BNC2: variants seen among roughly 807,000 people sequenced by gnomAD.
The protein encoded by BNC2 is zinc finger protein basonuclin-2.
A neutral mutation model predicts 76.3 loss-of-function variants in BNC2; 20 were observed. The observed-to-expected ratio is 0.26, with a 90% CI of 0.18 to 0.38. The LOEUF (loss-of-function observed/expected upper bound fraction) is 0.38, where lower values mean the gene tolerates loss of function less well. Among genes scored for constraint, BNC2 ranks in the 10% least tolerant of loss-of-function variants. BNC2 has a pLI of 1.00. For missense variants in BNC2, 1,382 were observed against 1,399.8 expected, an observed-to-expected ratio of 0.99 and a Z score of 0.20; for synonymous variants, 582 against 514.8, an observed-to-expected ratio of 1.13 and a Z score of -1.77.
chr9:16,562,474 C>A (rs190071350), intron 4 of BNC2, among the ~76,000 whole-genome samples: 1 of 152,280 alleles, frequency 6.6e-6, no homozygotes, highest in East Asian at 1.9e-4. Context: ...TACCTAATTT[C>A]TTTCAGAAAC....
At chr9:16,549,507 G>T (rs1818594235) in intron 5 of BNC2, among the ~76,000 whole-genome samples, 1 of 152,174 alleles carries the variant, frequency 6.6e-6, no homozygotes. Context: ...AGAGCATTAT[G>T]GGGTTCCACA....
chr9:16,829,451 G>A (rs539018998), intron 1 of BNC2, among the ~76,000 whole-genome samples: 1 of 152,118 alleles, frequency 6.6e-6, no homozygotes, highest in Non-Finnish European at 1.5e-5. Flanking sequence ...TGGTGGTGGT[G>A]TTCCGCAGAC....
intron 5 of BNC2, among the ~76,000 whole-genome samples, chr9:16,501,377 A>C (rs1392106538): frequency 6.6e-6 from 1 of 152,224 alleles, no homozygotes; most frequent in Non-Finnish European, 1.5e-5. Context: ...TTGACTGATG[A>C]TAATAATGAT....
chr9:16,418,820 T>C lies in BNC2; in HGVS notation c.*169A>G. 2.6e-6 allele frequency: 2 copies of C among 760,508 alleles called. No individual in the cohort carries two copies. The highest frequency in any genetic ancestry group is 5.4e-5 in the East Asian group (2 of 37,112). 47.1% of individuals were successfully genotyped at this position (760,508 alleles called of 1,614,324 possible). The stretch of plus-strand genomic sequence containing the variant: ...TCAAAAGCACCTAGTGTTTATCTTG[T>C]TTATCTCAAGGAAATACGTGTGTGT... On this transcript the variant is annotated 3_prime_UTR_variant, in exon 7 of 7. Transcript: ENST00000380672.
chr9:16,665,128 G>T (rs545928955), intron 3 of BNC2: 65 of 453,886 alleles, frequency 1.4e-4, no homozygotes, highest in Middle Eastern at 3.4e-4. Flanking sequence ...CAGCACTTTG[G>T]AAGTCCAAGA....
intron 1 of BNC2, among the ~76,000 whole-genome samples, chr9:16,745,762 G>A (rs1302338934): frequency 2.0e-5 from 3 of 152,234 alleles, no homozygotes; most frequent in Admixed American, 2.0e-4. Flanking sequence ...CTAAACCCTA[G>A]ATTGTTTACT....
At chr9:16,561,417 G>A (rs1482857690) in intron 4 of BNC2, among the ~76,000 whole-genome samples, 1 of 152,158 alleles carries the variant, frequency 6.6e-6, no homozygotes, top group Non-Finnish European at 1.5e-5. Flanking sequence ...ACTTAATTCA[G>A]TGGACTTCTC....
chr9:16,851,271 G>T (rs1302043619), intron 1 of BNC2, among the ~76,000 whole-genome samples: 4 of 152,118 alleles, frequency 2.6e-5, no homozygotes, highest in Non-Finnish European at 5.9e-5. Flanking sequence ...ACTTTGGGAG[G>T]CCAAGGCAGG....
At chr9:16,831,723 TA>T (rs1239617051) in intron 1 of BNC2, among the ~76,000 whole-genome samples, 1 of 152,172 alleles carries the variant, frequency 6.6e-6, no homozygotes, top group Admixed American at 6.5e-5. Context: ...CTTCTGTCCT[TA>T]ATCTACTGTG....
intron 3 of BNC2, among the ~76,000 whole-genome samples, chr9:16,663,190 C>T (rs1009113093): frequency 1.7e-4 from 25 of 143,160 alleles, no homozygotes; most frequent in East Asian, 1.6e-3. Flanking sequence ...AGTGCAGTGG[C>T]GCAATCCCGG....
In BNC2 at chr9:16,738,350, A is replaced by C. The variant is rs199654744; in HGVS notation, c.129+10T>G. ...AGTAACTTAAAGGGGGAAAAAAAAA[A>C]CCAACATACCTCAATTTGAGATGTA... is the stretch of plus-strand genomic sequence containing the variant. On this transcript the variant is annotated intron_variant, in intron 2 of 6. Transcript: ENST00000380672. The C allele has an allele frequency of 2.1e-4, 338 of 1,594,690 alleles. 6 individuals are homozygous for C. Among genetic ancestry groups the C allele is most frequent in the South Asian group, 1.5e-3 (135 of 89,110 alleles).
chr9:16,697,387 G>A (rs533522077), intron 3 of BNC2, among the ~76,000 whole-genome samples: 1 of 151,470 alleles, frequency 6.6e-6, no homozygotes, highest in East Asian at 2.0e-4. Flanking sequence ...TAAAGAGGTC[G>A]TTCCTTGCCC....
chr9:16,555,217 G>A (rs111814785), intron 4 of BNC2, among the ~76,000 whole-genome samples: 8,728 of 151,558 alleles, frequency 0.058, 889 homozygotes, highest in African/African-American at 0.2. Context: ...TAGAGACGGG[G>A]TTTCACCATG....
intron 5 of BNC2, among the ~76,000 whole-genome samples, chr9:16,547,361 G>A (rs773695197): frequency 2.0e-5 from 3 of 152,180 alleles, no homozygotes; most frequent in Admixed American, 6.5e-5. Flanking sequence ...AAAAAACTAA[G>A]GGCCTTTTGA....
intron 1 of BNC2, among the ~76,000 whole-genome samples, chr9:16,801,840 G>C (rs1817790516): frequency 6.6e-6 from 1 of 151,856 alleles, no homozygotes; most frequent in Non-Finnish European, 1.5e-5. Flanking sequence ...CAAAACAGCT[G>C]TGTGAAGGTT....
At chr9:16,556,943 A>G (rs1818852861) in intron 4 of BNC2, among the ~76,000 whole-genome samples, 1 of 152,172 alleles carries the variant, frequency 6.6e-6, no homozygotes, top group Admixed American at 6.5e-5. Flanking sequence ...GAACTATGAT[A>G]CATGATGATT....
intron 5 of BNC2, among the ~76,000 whole-genome samples, chr9:16,518,486 T>C (rs1376389892): frequency 6.6e-6 from 1 of 152,152 alleles, no homozygotes; most frequent in African/African-American, 2.4e-5. Context: ...AAAGGGCAAA[T>C]GCCCCCACCT....
At position 16,791,725 on chromosome 9, in the gene BNC2, C is replaced by T. The variant is rs1817515564; in HGVS notation, c.4-53240G>A. Among the ~76,000 whole-genome samples, 3 of 152,144 alleles carry T rather than the reference C, an allele frequency of 2.0e-5. No homozygotes were observed. In the South Asian group the frequency reaches 6.2e-4, roughly 32 times the overall value. On this transcript the variant is annotated intron_variant, in intron 1 of 6. Coordinates refer to ENST00000380672, the MANE Select transcript of BNC2 (RefSeq NM_017637.6). ...ACTGACACTGTGTTTCTATGACTTG[C>T]CCTATAAAATAAGTAATACTACTAC...
At chr9:16,537,226 GA>G (rs1210227867) in intron 5 of BNC2, among the ~76,000 whole-genome samples, 1 of 152,116 alleles carries the variant, frequency 6.6e-6, no homozygotes, top group Non-Finnish European at 1.5e-5. Flanking sequence ...ATTTCAAAGT[GA>G]ATACACCTCT....
Sources: gnomAD v4.1 joint callset for allele counts (sites outside exome capture counted in the v4.1 genomes callset) on GRCh38, gnomAD v4.1.1 for gene constraint, MANE v1.5 for transcripts, NCBI Gene and HGNC (gene_info 2026-07-23, HGNC 2026-07-21) for gene names.